Variants in POLD1 observed in about 807,000 individuals in gnomAD.
POLD1 encodes DNA polymerase delta catalytic subunit.
A neutral mutation model predicts 129.7 loss-of-function variants in POLD1; 79 were observed. That is an observed-to-expected ratio of 0.61 (90% CI 0.51 to 0.73). The LOEUF (loss-of-function observed/expected upper bound fraction) is 0.73, where lower values mean the gene tolerates loss of function less well. Ranked by LOEUF, POLD1 falls within the 30% of genes least tolerant of loss-of-function variation. POLD1 has a pLI of 0.00. For synonymous variants in POLD1, 714 were observed against 683.3 expected (o/e 1.04, Z -0.70); for missense variants, 1,338 against 1,595.8 (o/e 0.84, Z 2.75).
At chr19:50,388,499 A>T (rs2038044016) in intron 1 of POLD1, among the ~76,000 whole-genome samples, 2 of 152,244 alleles carry the variant, frequency 1.3e-5, no homozygotes, top group African/African-American at 4.8e-5. Flanking sequence ...AATAAAAAAG[A>T]CGTCTACATA....
intron 14 of POLD1, 121 bp downstream of exon 14, chr19:50,407,536 A>G (rs1002710776): frequency 1.8e-5 from 8 of 440,564 alleles, no homozygotes; most frequent in Admixed American, 1.3e-4. Flanking sequence ...CCTGCTCCAC[A>G]AAATTTTTTT....
At chr19:50,405,698 CCT>C (rs747226208) in intron 10 of POLD1, among the ~76,000 whole-genome samples, 20 of 152,158 alleles carry the variant, frequency 1.3e-4, no homozygotes, top group South Asian at 2.1e-4. Context: ...TGTCCCTCAC[CCT>C]CTGCCCTGTC....
At chr19:50,404,395 T>C (rs887428350) in intron 10 of POLD1, among the ~76,000 whole-genome samples, 3 of 148,428 alleles carry the variant, frequency 2.0e-5, no homozygotes, top group Non-Finnish European at 2.9e-5. Context: ...CCCAAGTAGC[T>C]GGGACTACAG....
Position 50,385,378 on chromosome 19 carries a change from G to C in POLD1, c.-2+988G>C, listed in dbSNP as rs545532790. Among the ~76,000 whole-genome samples, 5 of 152,256 alleles carry C rather than the reference G, an allele frequency of 3.3e-5. No individual in the cohort carries two copies. In the East Asian group the frequency reaches 9.7e-4, roughly 29 times the overall value. On this transcript the variant is annotated intron_variant, in intron 1 of 26. Transcript: ENST00000440232. ...GCAGGCTGGATGGGGAAGGCTAAGG[G>C]AGAAGCAGGTTGGGGTTGCCGCTCT...
At chr19:50,390,221 T>TTTTCA (rs1228396012) in intron 1 of POLD1, among the ~76,000 whole-genome samples, 1 of 145,944 alleles carries the variant, frequency 6.9e-6, no homozygotes, top group East Asian at 1.9e-4. Flanking sequence ...TAATTTCTTT[T>TTTTCA]TTTCTTTTCT....
Position 50,413,502 on chromosome 19 carries a change from G to A in POLD1, c.2231G>A (p.Gly744Asp), listed in dbSNP as rs1555792558. 1.2e-6 allele frequency: 2 copies of A among 1,610,898 alleles called. No homozygotes were observed. The highest frequency in any genetic ancestry group is 2.7e-5 in the African/African-American group (2 of 74,826). The change falls in exon 18 of 27, where the codon GGC (glycine) becomes GAC (aspartate). Residue 744 changes from glycine (G) to aspartate (D), a missense_variant. Physicochemically the swap from Gly to Asp is moderately conservative, Grantham distance 94 (BLOSUM62 -1). Transcript: ENST00000440232. The part of the protein sequence containing the change: ...LVESKYTVEN[G>D]YSTSAKVVYG... ...GAGTCTAAGTACACAGTGGAGAATG[G>A]CTACAGCACCAGTGCCAAGGTCGGG...
chr19:50,413,392 A>C (rs748709600), intron 17 of POLD1, 34 bp from the exon 18 acceptor site: 1 of 1,584,176 alleles, frequency 6.3e-7, no homozygotes, highest in South Asian at 1.1e-5. Flanking sequence ...CATGGCCCCC[A>C]GGGCTTCACT....
rs71182715 is a variant in POLD1 at position 50,400,133 on chromosome 19, A to ATTTTTTTT, written c.316+670_316+677dup. On this transcript the variant is annotated intron_variant, in intron 3 of 26. Coordinates refer to ENST00000440232, the MANE Select transcript of POLD1 (RefSeq NM_002691.4). ...CCAGCCCAATTTGACTTTTTAAAAG[A>ATTTTTTTT]TTTTTTTTTTTTTTTTTTTTTTTTT... Among the ~76,000 whole-genome samples, 49 of 48,154 alleles carry ATTTTTTTT rather than the reference A, an allele frequency of 1.0e-3. 1 individual carries two copies. Among genetic ancestry groups the ATTTTTTTT allele is most frequent in the African/African-American group, 1.3e-3 (23 of 17,202 alleles). The allele number at this position is 48,154 out of a possible 152,430, so 31.6% of individuals were successfully genotyped here.
chr19:50,390,828 A>G (rs984611439), intron 1 of POLD1, among the ~76,000 whole-genome samples: 2 of 151,666 alleles, frequency 1.3e-5, no homozygotes, highest in African/African-American at 4.9e-5. Flanking sequence ...CACATCTTGC[A>G]CCGCCCTTAA....
At position 50,409,760 on chromosome 19, in the gene POLD1, C is replaced by T. The variant is rs180880573; in HGVS notation, c.2154+94C>T. 8.0e-5 allele frequency: 109 copies of T among 1,359,842 alleles called. 2 individuals carry two copies. The East Asian group carries it at 2.5e-3, about 31-fold the overall frequency. The allele number at this position is 1,359,842 out of a possible 1,614,324, so 84.2% of individuals were successfully genotyped here. A position where few individuals can be genotyped will look rare whatever the true frequency, so the allele number is the denominator to read the frequency against. On this transcript the variant is annotated intron_variant, in intron 17 of 26. Transcript: ENST00000440232. This position sits in a 1 kb window ranked among gnomAD's most constrained non-coding sequence, Gnocchi z 5.8. The stretch of plus-strand genomic sequence containing the variant: ...ATGTGGGGGACCTGTATCCAGAGGA[C>T]TGGGCACCCCAACTCACTGGCCTTC...
chr19:50,400,159 TTTGAGAC>T, intron 3 of POLD1, among the ~76,000 whole-genome samples: 5 of 139,850 alleles, frequency 3.6e-5, no homozygotes, highest in Non-Finnish European at 6.2e-5. Flanking sequence ...TTTTTTTTTT[TTTGAGAC>T]AAGATTTTCC....
intron 2 of POLD1, 22 bp from the exon 3 acceptor site, chr19:50,399,349 C>G (rs781240089): frequency 6.3e-7 from 1 of 1,579,566 alleles, no homozygotes; most frequent in Non-Finnish European, 8.7e-7. Context: ...ATGTACTCCA[C>G]TTCCTTCCCT....
chr19:50,417,625 G>A (rs997572959), intron 26 of POLD1, among the ~76,000 whole-genome samples: 7 of 151,452 alleles, frequency 4.6e-5, no homozygotes, highest in Admixed American at 1.3e-4. Flanking sequence ...GGTGATATAC[G>A]GCCAGCCATG....
At chr19:50,401,335 C>G (rs1367355148) in intron 3 of POLD1, among the ~76,000 whole-genome samples, 1 of 108,866 alleles carries the variant, frequency 9.2e-6, no homozygotes, top group Admixed American at 1.0e-4. Context: ...TTTATTTGTA[C>G]ATATAATATG....
intron 24 of POLD1, 114 bp downstream of exon 24, chr19:50,416,837 C>CA: frequency 3.1e-6 from 3 of 978,346 alleles, no homozygotes; most frequent in Non-Finnish European, 4.4e-6. Context: ...GCCCAGGGCC[C>CA]CTGGGTGGGT....
chr19:50,393,942 C>T (rs2038253527), intron 1 of POLD1: 1 of 152,186 alleles, frequency 6.6e-6, no homozygotes, highest in Non-Finnish European at 1.5e-5. Context: ...ACATATACTC[C>T]ATCAGTTCAG....
At position 50,409,292 on chromosome 19, in the gene POLD1, C is replaced by T; in HGVS notation, c.2006+57C>T. On this transcript the variant is annotated intron_variant, in intron 16 of 26. Transcript: ENST00000440232. The surrounding 1 kb of genome is among the most constrained non-coding windows in gnomAD (Gnocchi z 5.8). The stretch of plus-strand genomic sequence containing the variant: ...AGACCTGTTGGGGCCTCTGGGCAAT[C>T]CCTGTCCCTCACTGGGACACCCCAG... The T allele has an allele frequency of 7.4e-7, 1 of 1,345,968 alleles. No homozygotes were observed. The highest frequency in any genetic ancestry group is 1.1e-6 in the Non-Finnish European group (1 of 942,492). The allele number at this position is 1,345,968 out of a possible 1,614,324, so 83.4% of individuals were successfully genotyped here. A position where few individuals can be genotyped will look rare whatever the true frequency, so the allele number is the denominator to read the frequency against.
At chr19:50,392,697 G>T (rs908415606) in intron 1 of POLD1, among the ~76,000 whole-genome samples, 1 of 151,892 alleles carries the variant, frequency 6.6e-6, no homozygotes, top group African/African-American at 2.4e-5. Context: ...GGCTGGTCTG[G>T]AACTCTTGAC....
rs573656057 is a variant in POLD1, at chr19:50,404,927, C to G, written c.1243-1255C>G. 8.1e-4 allele frequency among the ~76,000 whole-genome samples: 124 copies of G among 152,208 alleles called. 1 individual carries two copies. The highest frequency in any genetic ancestry group is 2.9e-3 in the African/African-American group (122 of 41,536). Reference sequence around the variant, plus strand: ...GGATTATAGGCACCCGCTTCCATGCCCGACTAATTTTGTATTTTTAGTAGA... The same window carrying G: ...GGATTATAGGCACCCGCTTCCATGCGCGACTAATTTTGTATTTTTAGTAGA... On this transcript the variant is annotated intron_variant, in intron 10 of 26. Transcript: ENST00000440232.
Sources: allele counts gnomAD v4.1 joint callset (sites outside exome capture counted in the v4.1 genomes callset), GRCh38; gene constraint gnomAD v4.1.1; non-coding constraint Gnocchi (gnomAD v3.1); transcripts MANE v1.5; gene names NCBI Gene and HGNC (gene_info 2026-07-23, HGNC 2026-07-21).